KDM7A: variants seen among roughly 807,000 people sequenced by gnomAD.
KDM7A encodes the protein lysine demethylase 7A.
KDM7A carries 28 observed loss-of-function variants against 114.8 expected under a neutral mutation model. The ratio of observed to expected loss-of-function variants is 0.24; its 90% CI spans 0.18 to 0.33. The LOEUF (loss-of-function observed/expected upper bound fraction) is 0.33. KDM7A is among the 10% of genes least tolerant of loss of function. The pLI, the probability that KDM7A is intolerant of heterozygous loss-of-function variation, is 1.00. For missense variants in KDM7A, 942 were observed against 1,142.5 expected (o/e 0.82, Z 2.53); for synonymous variants, 423 against 397.8 (o/e 1.06, Z -0.75).
chr7:140,158,621 G>A (rs1302998406), intron 1 of KDM7A, among the ~76,000 whole-genome samples: 1 of 152,184 alleles, frequency 6.6e-6, no homozygotes. Flanking sequence ...CAAGACTTGA[G>A]CTCAGGGGAG....
At chr7:140,135,524 T>G (rs954743649) in intron 2 of KDM7A, among the ~76,000 whole-genome samples, 1 of 152,204 alleles carries the variant, frequency 6.6e-6, no homozygotes, top group African/African-American at 2.4e-5. Flanking sequence ...TATCTTCAAT[T>G]GGGATCACAA....
intron 1 of KDM7A, among the ~76,000 whole-genome samples, chr7:140,169,069 A>T (rs1457289723): frequency 6.6e-6 from 1 of 152,234 alleles, no homozygotes; most frequent in East Asian, 1.9e-4. Context: ...CAATGAGCCC[A>T]CTAATACCAG....
intron 11 of KDM7A, among the ~76,000 whole-genome samples, chr7:140,104,729 T>G (rs534432478): frequency 6.6e-6 from 1 of 152,366 alleles, no homozygotes; most frequent in East Asian, 1.9e-4. Context: ...GGTAGCATGA[T>G]GCCTCCAGCT....
At chr7:140,163,367 C>T (rs948758505) in intron 1 of KDM7A, among the ~76,000 whole-genome samples, 3 of 151,946 alleles carry the variant, frequency 2.0e-5, no homozygotes, top group Admixed American at 6.6e-5. Flanking sequence ...ACAATCTTAG[C>T]GCACTGAAGC....
intron 10 of KDM7A, among the ~76,000 whole-genome samples, chr7:140,112,436 C>T (rs144336253): frequency 0.025 from 3,825 of 152,154 alleles, 166 homozygotes; most frequent in African/African-American, 0.088. Flanking sequence ...ATGGCGAAAC[C>T]TCATTTCTAC....
chr7:140,165,608 C>T (rs1424345816), intron 1 of KDM7A, among the ~76,000 whole-genome samples: 1 of 152,060 alleles, frequency 6.6e-6, no homozygotes, highest in Non-Finnish European at 1.5e-5. Context: ...TTGCACCATC[C>T]CATCTAGGAT....
intron 1 of KDM7A, among the ~76,000 whole-genome samples, chr7:140,169,990 C>T (rs1056551946): frequency 2.0e-5 from 3 of 152,076 alleles, no homozygotes; most frequent in African/African-American, 7.2e-5. Flanking sequence ...CTATAATAAA[C>T]GGTCATATCA....
intron 18 of KDM7A, 116 bp from the exon 19 acceptor site, chr7:140,092,193 T>G: frequency 3.1e-6 from 3 of 981,544 alleles, no homozygotes; most frequent in Non-Finnish European, 3.0e-6. Context: ...AATTCTGATT[T>G]TCTTAACATC....
chr7:140,171,135 T>A (rs898490830), intron 1 of KDM7A, among the ~76,000 whole-genome samples: 18 of 151,886 alleles, frequency 1.2e-4, no homozygotes, highest in African/African-American at 4.4e-4. Flanking sequence ...TCTTTACATC[T>A]GTACACATTC....
chr7:140,105,278 A>C (rs1217564260), intron 11 of KDM7A, among the ~76,000 whole-genome samples: 5 of 152,136 alleles, frequency 3.3e-5, no homozygotes, highest in Admixed American at 6.5e-5. Context: ...AATACCCTTT[A>C]TTTCTTTCTC....
chr7:140,091,043 G>A lies in KDM7A; in HGVS notation c.*51C>T. The A allele has an allele frequency of 7.4e-7, 1 of 1,343,300 alleles. No homozygotes were observed. The highest frequency in any genetic ancestry group is 1.1e-6 in the Non-Finnish European group (1 of 933,330). The allele number at this position is 1,343,300 out of a possible 1,614,324, so 83.2% of individuals were successfully genotyped here. A position where few individuals can be genotyped will look rare whatever the true frequency, so the allele number is the denominator to read the frequency against. On this transcript the variant is annotated 3_prime_UTR_variant, in exon 20 of 20. Coordinates refer to ENST00000397560, the MANE Select transcript of KDM7A (RefSeq NM_030647.2). ...GGGACAGCGGAAGCTCCAGGCTCCT[G>A]CACCCCTAGACTGGTCTCCAAAGGG...
intron 7 of KDM7A, among the ~76,000 whole-genome samples, chr7:140,121,364 G>GTTTTCTTTGTA (rs1416960072): frequency 3.3e-5 from 5 of 151,914 alleles, no homozygotes; most frequent in African/African-American, 1.2e-4. Flanking sequence ...CACAAATCCC[G>GTTTTCTTTGTA]TTTTCTTTGT....
At chr7:140,165,097 T>A (rs1048335876) in intron 1 of KDM7A, among the ~76,000 whole-genome samples, 1 of 152,200 alleles carries the variant, frequency 6.6e-6, no homozygotes, top group Non-Finnish European at 1.5e-5. Flanking sequence ...TTAAAATAAG[T>A]GAACCTCAGG....
At chr7:140,114,853 G>A (rs894605772) in intron 9 of KDM7A, among the ~76,000 whole-genome samples, 2 of 145,400 alleles carry the variant, frequency 1.4e-5, no homozygotes, top group Non-Finnish European at 3.0e-5. Flanking sequence ...CCCTCCGCCC[G>A]GCAGCCGCCC....
chr7:140,174,056 C>G (rs1171945322), intron 1 of KDM7A, among the ~76,000 whole-genome samples: 1 of 151,290 alleles, frequency 6.6e-6, no homozygotes, highest in Non-Finnish European at 1.5e-5. Flanking sequence ...CCCAGCTACT[C>G]GGGAGGCTGA....
chr7:140,175,821 C>T (rs1444618395), intron 1 of KDM7A, among the ~76,000 whole-genome samples: 2 of 58 alleles, frequency 0.034, no homozygotes, highest in Non-Finnish European at 0.12. Context: ...TCGCCGGCAC[C>T]GGCGCCCGGG....
chr7:140,152,854 G>A (rs1000119989), intron 1 of KDM7A, among the ~76,000 whole-genome samples: 1 of 152,006 alleles, frequency 6.6e-6, no homozygotes, highest in Non-Finnish European at 1.5e-5. Context: ...GTTCCTCAAA[G>A]TCCATTTTGT....
intron 1 of KDM7A, among the ~76,000 whole-genome samples, chr7:140,173,359 T>G (rs565510995): frequency 6.6e-6 from 1 of 152,148 alleles, no homozygotes; most frequent in Admixed American, 6.5e-5. Context: ...CAGCTAAAGT[T>G]TGACAGCATC....
intron 1 of KDM7A, among the ~76,000 whole-genome samples, chr7:140,165,946 T>A (rs774335396): frequency 7.2e-5 from 11 of 152,254 alleles, no homozygotes; most frequent in Non-Finnish European, 1.3e-4. Flanking sequence ...GTTTTGCTGC[T>A]GCACCTTAAA....
Sources: gnomAD v4.1 joint callset for allele counts (sites outside exome capture counted in the v4.1 genomes callset) on GRCh38, gnomAD v4.1.1 for gene constraint, MANE v1.5 for transcripts, NCBI Gene and HGNC (gene_info 2026-07-23, HGNC 2026-07-21) for gene names.